HPCAL1: variants seen among roughly 807,000 people sequenced by gnomAD.
HPCAL1 encodes the protein hippocalcin-like protein 1.
A neutral mutation model predicts 17.1 loss-of-function variants in HPCAL1; 8 were observed. The observed-to-expected ratio is 0.47, with a 90% CI of 0.27 to 0.84. HPCAL1 has a LOEUF of 0.84. Among genes scored for constraint, HPCAL1 ranks in the 40% least tolerant of loss-of-function variants. HPCAL1 has a pLI of 0.13. For synonymous variants in HPCAL1, 112 were observed against 111.4 expected (o/e 1.01, Z -0.03); for missense variants, 165 against 271.1 (o/e 0.61, Z 2.75).
chr2:10,356,636 C>T (rs992838690), intron 1 of HPCAL1, among the ~76,000 whole-genome samples: 3 of 152,164 alleles, frequency 2.0e-5, no homozygotes, highest in Admixed American at 6.5e-5. Context: ...AGCCAGGCCC[C>T]GTGCCCCACA....
At chr2:10,370,488 G>C (rs1378915201) in intron 1 of HPCAL1, among the ~76,000 whole-genome samples, 1 of 152,252 alleles carries the variant, frequency 6.6e-6, no homozygotes, top group Non-Finnish European at 1.5e-5. Context: ...CAGGTAGGAA[G>C]AGGCTTCAAG....
rs113005554 is a variant in HPCAL1 at position 10,326,489 on chromosome 2, G to A, written c.-111+23312G>A. Among the ~76,000 whole-genome samples, 503 of 152,294 alleles carry A rather than the reference G, an allele frequency of 3.3e-3. 4 individuals are homozygous for A. The highest frequency in any genetic ancestry group is 0.011 in the African/African-American group (476 of 41,568). ...CAGGCAGTGTTGGCTGGAGACTTGTGGGGGGAATTGGCCGCCTGGGGTGCG... is the reference window on the plus strand; with the variant it reads ...CAGGCAGTGTTGGCTGGAGACTTGTAGGGGGAATTGGCCGCCTGGGGTGCG... On this transcript the variant is annotated intron_variant, in intron 1 of 4. Coordinates refer to ENST00000307845, the MANE Select transcript of HPCAL1 (RefSeq NM_002149.4).
intron 1 of HPCAL1, among the ~76,000 whole-genome samples, chr2:10,328,719 T>C (rs1664166563): frequency 6.6e-6 from 1 of 152,200 alleles, no homozygotes; most frequent in Non-Finnish European, 1.5e-5. Flanking sequence ...CATAATAACA[T>C]GAACCAATTC....
chr2:10,375,117 G>T (rs762903551), intron 1 of HPCAL1, among the ~76,000 whole-genome samples: 2 of 152,186 alleles, frequency 1.3e-5, no homozygotes, highest in Admixed American at 6.5e-5. Context: ...GGCGGGGAAG[G>T]GGAGGAAAGC....
At position 10,427,560 on chromosome 2, in the gene HPCAL1, CT is replaced by C. The variant is rs1292168566; in HGVS notation, c.*740del. 6.6e-6 allele frequency: 1 copy of C among 152,256 alleles called. No individual in the cohort carries two copies. The highest frequency in any genetic ancestry group is 2.4e-5 in the African/African-American group (1 of 41,462). The allele number at this position is 152,256 out of a possible 1,614,324, so 9.4% of individuals were successfully genotyped here. A position where few individuals can be genotyped will look rare whatever the true frequency, so the allele number is the denominator to read the frequency against. ...GGCATTTGTGTCTGGTCTGTCCTCCCTGTTGATTGGTCTGGCATTTCCGGTA... is the reference window on the plus strand; with the variant it reads ...GGCATTTGTGTCTGGTCTGTCCTCCCGTTGATTGGTCTGGCATTTCCGGTA... On this transcript the variant is annotated 3_prime_UTR_variant, in exon 5 of 5. Coordinates refer to ENST00000307845, the MANE Select transcript of HPCAL1 (RefSeq NM_002149.4).
intron 1 of HPCAL1, among the ~76,000 whole-genome samples, chr2:10,396,399 C>T (rs1319492487): frequency 6.6e-6 from 1 of 152,208 alleles, no homozygotes; most frequent in African/African-American, 2.4e-5. Flanking sequence ...TCCACTGAAC[C>T]CTCGTAACAG....
chr2:10,320,597 T>C (rs1015240544), intron 1 of HPCAL1, among the ~76,000 whole-genome samples: 1 of 152,238 alleles, frequency 6.6e-6, no homozygotes, highest in Non-Finnish European at 1.5e-5. Flanking sequence ...GGTAGTTCTT[T>C]ATAGCAGTGC....
intron 1 of HPCAL1, among the ~76,000 whole-genome samples, chr2:10,381,507 T>A (rs2125538876): frequency 6.6e-6 from 1 of 152,312 alleles, no homozygotes; most frequent in South Asian, 2.1e-4. Flanking sequence ...CAGGCAGGAC[T>A]ACAGGGACAA....
intron 1 of HPCAL1, among the ~76,000 whole-genome samples, chr2:10,385,360 A>T (rs143897461): frequency 1.5e-5 from 1 of 65,332 alleles, no homozygotes; most frequent in African/African-American, 9.6e-5. Flanking sequence ...CTTGTCGGGA[A>T]TGCAGGGCTG....
At chr2:10,311,232 C>A (rs978959170) in intron 1 of HPCAL1, among the ~76,000 whole-genome samples, 1 of 152,108 alleles carries the variant, frequency 6.6e-6, no homozygotes, top group African/African-American at 2.4e-5. Flanking sequence ...AGTTTGGAGC[C>A]CGTGCTGGTG....
At chr2:10,393,439 C>T (rs1668828650) in intron 1 of HPCAL1, among the ~76,000 whole-genome samples, 2 of 152,248 alleles carry the variant, frequency 1.3e-5, no homozygotes, top group Non-Finnish European at 2.9e-5. Flanking sequence ...CCAGCTCATC[C>T]ACTTTGTCAC....
chr2:10,410,982 G>A (rs1301344325), intron 2 of HPCAL1, among the ~76,000 whole-genome samples: 1 of 151,770 alleles, frequency 6.6e-6, no homozygotes, highest in Non-Finnish European at 1.5e-5. Context: ...ACAGCCTCCA[G>A]GAGAGAGCTA....
At chr2:10,303,275 T>TGCGTGTGTGTTGTGCGC (rs1321450481) in intron 1 of HPCAL1, 98 bp downstream of exon 1, 1 of 152,318 alleles carries the variant, frequency 6.6e-6, no homozygotes, top group Non-Finnish European at 1.5e-5. Context: ...TCCGGCTCTT[T>TGCGTGTGTGTTGTGCGC]GCGTGTGTGT....
Position 10,323,130 on chromosome 2 carries a change from T to C in HPCAL1, c.-111+19953T>C, listed in dbSNP as rs558884774. On this transcript the variant is annotated intron_variant, in intron 1 of 4. Transcript: ENST00000307845. The surrounding 1 kb of genome is among the most constrained non-coding windows in gnomAD (Gnocchi z 4.6). ...GCAGCCACCACCACTGGCCGCTTCA[T>C]GGCATGTTTCCAGCACAACTCTCTG... 6.6e-6 allele frequency among the ~76,000 whole-genome samples: 1 copy of C among 152,316 alleles called. No individual in the cohort carries two copies. Among genetic ancestry groups the C allele is most frequent in the African/African-American group, 2.4e-5 (1 of 41,580 alleles).
intron 1 of HPCAL1, among the ~76,000 whole-genome samples, chr2:10,373,297 G>T (rs1667343589): frequency 1.3e-5 from 2 of 152,202 alleles, no homozygotes; most frequent in South Asian, 4.1e-4. Flanking sequence ...GGCAGATGGG[G>T]AAACTGAGGC....
Position 10,377,367 on chromosome 2 carries a change from A to G in HPCAL1, c.-110-19468A>G, listed in dbSNP as rs12692405. Among the ~76,000 whole-genome samples the G allele has an allele frequency of 0.53, 79,899 of 152,084 alleles. 21,524 individuals are homozygous for G. The highest frequency in any genetic ancestry group is 0.8 in the East Asian group (4,131 of 5,146). ...AGTGCTTTACCTGGAAAGGTGTCTG[A>G]ACAGTGCTTGCAAAGGTAACTGGCA... On this transcript the variant is annotated intron_variant, in intron 1 of 4. Transcript: ENST00000307845. The surrounding 1 kb of genome is among the most constrained non-coding windows in gnomAD (Gnocchi z 5.9).
intron 1 of HPCAL1, among the ~76,000 whole-genome samples, chr2:10,328,149 C>T (rs1416152437): frequency 3.3e-5 from 5 of 152,166 alleles, no homozygotes; most frequent in Admixed American, 2.0e-4. Flanking sequence ...CTTTGTATCC[C>T]CAGGAACTCT....
At chr2:10,376,528 TG>T (rs1156236311) in intron 1 of HPCAL1, among the ~76,000 whole-genome samples, 1 of 151,962 alleles carries the variant, frequency 6.6e-6, no homozygotes, top group Non-Finnish European at 1.5e-5. Flanking sequence ...TTCCACTTCC[TG>T]GGTTCAAGCA....
intron 3 of HPCAL1, among the ~76,000 whole-genome samples, chr2:10,421,834 C>T (rs1671080425): frequency 6.6e-6 from 1 of 152,220 alleles, no homozygotes; most frequent in African/African-American, 2.4e-5. Flanking sequence ...AGTGGCCCGC[C>T]TCAGGAATGA....
Sources: allele counts gnomAD v4.1 joint callset (sites outside exome capture counted in the v4.1 genomes callset), GRCh38; gene constraint gnomAD v4.1.1; non-coding constraint Gnocchi (gnomAD v3.1); transcripts MANE v1.5; gene names NCBI Gene and HGNC (gene_info 2026-07-23, HGNC 2026-07-21).